ADARB1: variants seen among roughly 807,000 people sequenced by gnomAD.
ADARB1 encodes adenosine deaminase RNA specific B1.
ADARB1 carries 10 observed loss-of-function variants against 52.4 expected under a neutral mutation model. That is an observed-to-expected ratio of 0.19 (90% confidence interval 0.12 to 0.32). ADARB1 has a LOEUF of 0.32. Among genes scored for constraint, ADARB1 ranks in the 10% least tolerant of loss-of-function variants. The probability of loss-of-function intolerance (pLI) is 1.00; values close to 1 mark genes in which losing one functional copy is unlikely to be tolerated. For synonymous variants in ADARB1, 349 were observed against 371.1 expected (o/e 0.94, Z 0.68); for missense variants, 643 against 922.3 (o/e 0.70, Z 3.92).
At chr21:45,219,834 G>A (rs1362864848) in intron 9 of ADARB1, among the ~76,000 whole-genome samples, 5 of 152,138 alleles carry the variant, frequency 3.3e-5, no homozygotes, top group African/African-American at 1.2e-4. Context: ...TCACTTTCTT[G>A]AAACACTGTC....
At chr21:45,191,729 C>T (rs1434142142) in intron 8 of ADARB1, among the ~76,000 whole-genome samples, 1 of 150,960 alleles carries the variant, frequency 6.6e-6, no homozygotes, top group Non-Finnish European at 1.5e-5. Flanking sequence ...TTGTTCTTAT[C>T]TGATTTTGGA....
chr21:45,204,476 G>A lies in ADARB1; in HGVS notation c.1566-79G>A, dbSNP rs1019673428. ...CCTGCGGAATTGCCAGTGCATCCCT[G>A]TAACCACGCAGGCTTGGGCTGGGCT... is the stretch of plus-strand genomic sequence containing the variant. On this transcript the variant is annotated intron_variant, in intron 8 of 10. Coordinates refer to ENST00000348831, the MANE Select transcript of ADARB1 (RefSeq NM_001112.4). The surrounding 1 kb of genome is among the most constrained non-coding windows in gnomAD (Gnocchi z 4.4). The A allele has an allele frequency of 6.2e-6, 9 of 1,461,008 alleles. No individual in the cohort carries two copies. The African/African-American group carries it at 1.1e-4, about 18-fold the overall frequency. 90.5% of individuals were successfully genotyped at this position (1,461,008 alleles called of 1,614,324 possible).
rs189882820 is a variant in ADARB1 at position 45,219,166 on chromosome 21, A to G, written c.1748-1670A>G. ...AAAGATATAAACATTATTTCTCAAC[A>G]TAAGCTCCATCAAATTCAAGACATT... is the stretch of plus-strand genomic sequence containing the variant. On this transcript the variant is annotated intron_variant, in intron 9 of 10. Transcript: ENST00000348831. 2.1e-3 allele frequency among the ~76,000 whole-genome samples: 315 copies of G among 152,360 alleles called. 2 individuals carry two copies. Among genetic ancestry groups the G allele is most frequent in the Admixed American group, 8.8e-3 (135 of 15,306 alleles).
At chr21:45,152,646 C>T in intron 2 of ADARB1, 1 of 450,444 alleles carries the variant, frequency 2.2e-6, no homozygotes, top group Non-Finnish European at 4.5e-6. Flanking sequence ...CACATGGGGA[C>T]CTTTTTCAGC....
At chr21:45,118,020 C>A (rs2087926700) in intron 1 of ADARB1, among the ~76,000 whole-genome samples, 1 of 152,206 alleles carries the variant, frequency 6.6e-6, no homozygotes, top group South Asian at 2.1e-4. Flanking sequence ...TAGTGTTTCC[C>A]ATCTATCATT....
At chr21:45,185,227 G>T in intron 8 of ADARB1, 136 bp downstream of exon 8, 1 of 1,200,306 alleles carries the variant, frequency 8.3e-7, no homozygotes, top group Non-Finnish European at 1.2e-6. Context: ...ATTCTTTGAA[G>T]GACTGAGGTT....
chr21:45,184,793 A>G, intron 7 of ADARB1, 130 bp from the exon 8 acceptor site: 1 of 1,039,994 alleles, frequency 9.6e-7, no homozygotes, highest in East Asian at 2.4e-5. Context: ...TTTTGTATGT[A>G]TGGCATAAAC....
chr21:45,113,752 C>T (rs1029568115), intron 1 of ADARB1, among the ~76,000 whole-genome samples: 6 of 152,116 alleles, frequency 3.9e-5, no homozygotes, highest in South Asian at 4.2e-4. Context: ...GTCGGTGTTT[C>T]GGGAGCCCTT....
intron 8 of ADARB1, among the ~76,000 whole-genome samples, chr21:45,198,449 T>G (rs2092472660): frequency 6.8e-6 from 1 of 146,646 alleles, no homozygotes; most frequent in African/African-American, 2.5e-5. Flanking sequence ...TAAAAGTGAC[T>G]TAAGCATATG....
intron 1 of ADARB1, among the ~76,000 whole-genome samples, chr21:45,123,837 G>A (rs2145808669): frequency 6.6e-6 from 1 of 152,284 alleles, no homozygotes; most frequent in East Asian, 1.9e-4. Context: ...CTGGCCTCAC[G>A]TGATCCTCCT....
At chr21:45,082,261 A>G (rs951360637) in intron 1 of ADARB1, among the ~76,000 whole-genome samples, 8 of 152,226 alleles carry the variant, frequency 5.3e-5, no homozygotes, top group African/African-American at 1.7e-4. Context: ...ATACCTCTCA[A>G]CTTACGATGA....
intron 2 of ADARB1, among the ~76,000 whole-genome samples, chr21:45,164,395 G>T (rs1278674421): frequency 6.6e-6 from 1 of 152,234 alleles, no homozygotes; most frequent in East Asian, 1.9e-4. Context: ...CATGCCTGTG[G>T]GGGCAGGCAT....
chr21:45,216,899 A>G (rs1210012007), intron 9 of ADARB1, among the ~76,000 whole-genome samples: 1 of 151,988 alleles, frequency 6.6e-6, no homozygotes, highest in Non-Finnish European at 1.5e-5. Flanking sequence ...ATGCATAAAA[A>G]TGTAGGATTG....
At chr21:45,115,061 C>CA (rs1450937139) in intron 1 of ADARB1, among the ~76,000 whole-genome samples, 1 of 151,194 alleles carries the variant, frequency 6.6e-6, no homozygotes, top group Non-Finnish European at 1.5e-5. Flanking sequence ...CACTCACAGA[C>CA]AGGCTTTGTG....
In ADARB1 at chr21:45,221,275, A is replaced by G. The variant is rs184435702; in HGVS notation, c.1926+261A>G. ...ACTGCCAGGCCACTGTGTGTGGTGG[A>G]AACGTCTCTTACTCTCAGATATTGA... On this transcript the variant is annotated intron_variant, in intron 10 of 10. Coordinates refer to ENST00000348831, the MANE Select transcript of ADARB1 (RefSeq NM_001112.4). The surrounding 1 kb of genome is among the most constrained non-coding windows in gnomAD (Gnocchi z 4.9). Among the ~76,000 whole-genome samples the G allele has an allele frequency of 2.4e-4, 37 of 152,352 alleles. No homozygotes were observed. The highest frequency in any genetic ancestry group is 7.8e-4 in the Admixed American group (12 of 15,300).
chr21:45,170,342 A>C (rs555371199), intron 2 of ADARB1, among the ~76,000 whole-genome samples: 3 of 152,252 alleles, frequency 2.0e-5, no homozygotes, highest in Non-Finnish European at 4.4e-5. Context: ...TAAGTTTCTC[A>C]GAATCTGATT....
chr21:45,116,294 G>A (rs550670774), intron 1 of ADARB1, among the ~76,000 whole-genome samples: 126 of 152,396 alleles, frequency 8.3e-4, no homozygotes, highest in Non-Finnish European at 1.6e-3. Context: ...TGCTTGCTGC[G>A]CAGCAGCACC....
At chr21:45,096,946 A>G (rs1379006395) in intron 1 of ADARB1, among the ~76,000 whole-genome samples, 1 of 152,136 alleles carries the variant, frequency 6.6e-6, no homozygotes, top group East Asian at 1.9e-4. Flanking sequence ...TCACCGTGTT[A>G]GTCAGGATGG....
intron 8 of ADARB1, among the ~76,000 whole-genome samples, chr21:45,196,308 G>C (rs945174165): frequency 6.7e-6 from 1 of 149,858 alleles, no homozygotes; most frequent in Non-Finnish European, 1.5e-5. Context: ...AAAAAAAAAA[G>C]CAAAAAAAAT....
Sources: gnomAD v4.1 joint callset for allele counts (sites outside exome capture counted in the v4.1 genomes callset) on GRCh38, gnomAD v4.1.1 for gene constraint, Gnocchi (gnomAD v3.1) non-coding constraint, MANE v1.5 for transcripts, NCBI Gene and HGNC (gene_info 2026-07-23, HGNC 2026-07-21) for gene names.